The following PAQR5 variants were observed in gnomAD, a reference collection of about 807,000 sequenced individuals.
PAQR5 encodes progestin and adipoQ receptor family member 5, also known as membrane progestin receptor gamma.
Under a neutral mutation model 34.5 loss-of-function variants are expected in PAQR5, and 20 were observed. The ratio of observed to expected loss-of-function variants is 0.58; its 90% CI spans 0.41 to 0.84. The LOEUF is 0.84. Among genes scored for constraint, PAQR5 ranks in the 40% least tolerant of loss-of-function variants. The pLI is 0.00. For synonymous variants in PAQR5, 131 were observed against 155.6 expected, an observed-to-expected ratio of 0.84 and a Z score of 1.18; for missense variants, 378 against 412.7, an observed-to-expected ratio of 0.92 and a Z score of 0.73.
rs776127578 is a variant in PAQR5 at position 69,379,924 on chromosome 15, A to C, written c.93A>C (p.Pro31=). The C allele has an allele frequency of 3.7e-6, 6 of 1,614,178 alleles. No individual in the cohort carries two copies. The highest frequency in any genetic ancestry group is 5.1e-6 in the Non-Finnish European group (6 of 1,180,026). The change falls in exon 4 of 9, where the codon CCA becomes CCC. Residue 31 remains proline, a synonymous_variant. Coordinates refer to ENST00000395407, the MANE Select transcript of PAQR5 (RefSeq NM_017705.4). ...GCATCCTGTTCGGCTACCGCCATCC[A>C]CAGAGTTCTGCCACTGCCTGCATCC... ...EQGILFGYRH[P]QSSATACILS...
At chr15:69,307,245 T>G (rs553750240) in intron 1 of PAQR5, among the ~76,000 whole-genome samples, 8 of 152,180 alleles carry the variant, frequency 5.3e-5, no homozygotes. Flanking sequence ...CTTCACCTTT[T>G]GTCTGCTGTG....
chr15:69,325,722 C>T (rs780622974), intron 1 of PAQR5, among the ~76,000 whole-genome samples: 1 of 152,200 alleles, frequency 6.6e-6, no homozygotes, highest in African/African-American at 2.4e-5. Context: ...CTACCAAGTT[C>T]GCTGCCTCTC....
chr15:69,364,505 TATATAC>T (rs1156781527), intron 3 of PAQR5, among the ~76,000 whole-genome samples: 5 of 147,896 alleles, frequency 3.4e-5, no homozygotes, highest in African/African-American at 1.2e-4. Context: ...ATATGTTATA[TATATAC>T]ATTATATATG....
At chr15:69,402,217 G>A (rs948700360) in intron 8 of PAQR5, among the ~76,000 whole-genome samples, 8 of 152,290 alleles carry the variant, frequency 5.3e-5, no homozygotes, top group African/African-American at 1.4e-4. Context: ...AGGCTTCTCC[G>A]GAGGCCTCTC....
chr15:69,318,775 A>C (rs1234507034), intron 1 of PAQR5, among the ~76,000 whole-genome samples: 1 of 152,012 alleles, frequency 6.6e-6, no homozygotes, highest in Non-Finnish European at 1.5e-5. Flanking sequence ...GTAAGTTATA[A>C]ATTAGTAAGG....
At position 69,403,644 on chromosome 15, in the gene PAQR5, T is replaced by C. The variant is rs539333663; in HGVS notation, c.815T>C (p.Ile272Thr). Residue 272 changes from isoleucine (I) to threonine (T), a missense_variant, in exon 9 of 9, where the codon ATA becomes ACA. Transcript: ENST00000395407. ...ILATHMQMEA[I>T]LLDKTLRKEW... ...GCCACGCACATGCAGATGGAAGCCA[T>C]ACTTCTGGACAAGACTCTGAGGAAG... 76 of 1,614,120 alleles carry C rather than the reference T, an allele frequency of 4.7e-5. 3 individuals carry two copies. The South Asian group carries it at 7.2e-4, about 15-fold the overall frequency.
At chr15:69,329,222 C>T (rs1031639294) in intron 1 of PAQR5, among the ~76,000 whole-genome samples, 13 of 152,142 alleles carry the variant, frequency 8.5e-5, no homozygotes, top group Non-Finnish European at 1.6e-4. Flanking sequence ...CACATATACA[C>T]TCACTCACAC....
At chr15:69,327,019 C>T (rs907979344) in intron 1 of PAQR5, among the ~76,000 whole-genome samples, 7 of 151,458 alleles carry the variant, frequency 4.6e-5, no homozygotes, top group Non-Finnish European at 1.0e-4. Context: ...TGAGGTTTTG[C>T]TCTGTTGCCT....
At chr15:69,361,960 T>C (rs1427988985) in intron 3 of PAQR5, among the ~76,000 whole-genome samples, 1 of 143,184 alleles carries the variant, frequency 7.0e-6, no homozygotes, top group Non-Finnish European at 1.5e-5. Context: ...GTGGTGATGG[T>C]GGGGGGACTG....
intron 2 of PAQR5, among the ~76,000 whole-genome samples, chr15:69,351,729 T>A (rs936033128): frequency 6.6e-6 from 1 of 152,200 alleles, no homozygotes; most frequent in Non-Finnish European, 1.5e-5. Context: ...TGTAAGACAT[T>A]TGCTTACATA....
Position 69,404,785 on chromosome 15 carries a change from C to T in PAQR5, c.*963C>T. ...GGTGGTCACATATAGTGTTCTCAAG[C>T]TTTACTGTGAATCAGAAACATCCAG... On this transcript the variant is annotated 3_prime_UTR_variant, in exon 9 of 9. Coordinates refer to ENST00000395407, the MANE Select transcript of PAQR5 (RefSeq NM_017705.4). 5.0e-6 allele frequency: 2 copies of T among 396,488 alleles called. No individual in the cohort carries two copies. The highest frequency in any genetic ancestry group is 8.9e-6 in the Non-Finnish European group (2 of 225,278). 24.6% of individuals were successfully genotyped at this position (396,488 alleles called of 1,614,324 possible).
At chr15:69,326,755 CTT>C (rs1379835882) in intron 1 of PAQR5, among the ~76,000 whole-genome samples, 7 of 151,986 alleles carry the variant, frequency 4.6e-5, no homozygotes, top group East Asian at 3.9e-4. Context: ...TCTTAATAGA[CTT>C]TATGTTTTAG....
chr15:69,299,294 T>C (rs891212754), intron 1 of PAQR5, among the ~76,000 whole-genome samples: 3 of 152,176 alleles, frequency 2.0e-5, no homozygotes, highest in African/African-American at 7.2e-5. Flanking sequence ...GCCGCCGCCG[T>C]GCAGAAGGCT....
intron 3 of PAQR5, among the ~76,000 whole-genome samples, chr15:69,369,046 C>T (rs1457361426): frequency 1.3e-5 from 2 of 152,234 alleles, no homozygotes; most frequent in Admixed American, 6.5e-5. Context: ...TTTGGCATTA[C>T]AGGGTTGAGC....
chr15:69,305,762 C>A (rs1209545941), intron 1 of PAQR5, among the ~76,000 whole-genome samples: 3 of 152,112 alleles, frequency 2.0e-5, no homozygotes, highest in Non-Finnish European at 4.4e-5. Flanking sequence ...GGCACGCCTG[C>A]GCCGGCCTAC....
At chr15:69,377,607 A>T (rs2055742815) in intron 3 of PAQR5, among the ~76,000 whole-genome samples, 1 of 152,162 alleles carries the variant, frequency 6.6e-6, no homozygotes, top group African/African-American at 2.4e-5. Context: ...GAGTTGTCTA[A>T]AACTTGGAGC....
chr15:69,398,481 C>G (rs2056522602), intron 7 of PAQR5, among the ~76,000 whole-genome samples: 1 of 152,172 alleles, frequency 6.6e-6, no homozygotes, highest in Admixed American at 6.5e-5. Context: ...ATCTGATAGG[C>G]TCTGCGGTGC....
chr15:69,343,229 C>A (rs1359772372), intron 2 of PAQR5, among the ~76,000 whole-genome samples: 1 of 152,152 alleles, frequency 6.6e-6, no homozygotes, highest in African/African-American at 2.4e-5. Context: ...TTTTGTTTTC[C>A]AATATATTTT....
At chr15:69,395,952 G>A (rs2056416458) in intron 6 of PAQR5, among the ~76,000 whole-genome samples, 1 of 152,006 alleles carries the variant, frequency 6.6e-6, no homozygotes, top group African/African-American at 2.4e-5. Context: ...ACACAGTGGT[G>A]TCCCTTTCTC....
Sources: allele counts gnomAD v4.1 joint callset (sites outside exome capture counted in the v4.1 genomes callset), GRCh38; gene constraint gnomAD v4.1.1; transcripts MANE v1.5; gene names NCBI Gene and HGNC (gene_info 2026-07-23, HGNC 2026-07-21).